ZFC3H1: variants seen among roughly 807,000 people sequenced by gnomAD.
ZFC3H1 encodes zinc finger C3H1-type containing.
ZFC3H1 carries 71 observed loss-of-function variants against 243.7 expected under a neutral mutation model. The observed-to-expected ratio is 0.29, with a 90% CI of 0.24 to 0.36. The LOEUF is 0.36. ZFC3H1 is among the 10% of genes least tolerant of loss of function. The pLI is 1.00. For synonymous variants in ZFC3H1, 838 were observed against 813.0 expected (o/e 1.03, Z -0.52); for missense variants, 1,966 against 2,317.1 (o/e 0.85, Z 3.11).
intron 32 of ZFC3H1, 27 bp from the exon 33 acceptor site, chr12:71,611,124 T>G: frequency 2.8e-6 from 4 of 1,422,670 alleles, no homozygotes; most frequent in Non-Finnish European, 3.7e-6. Context: ...AAAAAAGAAA[T>G]ATAGAAAAAG....
chr12:71,619,921 T>G lies in ZFC3H1; in HGVS notation c.5049+5A>C, dbSNP rs745400866. 10 of 1,575,118 alleles carry G rather than the reference T, an allele frequency of 6.3e-6. No homozygotes were observed. The highest frequency in any genetic ancestry group is 8.6e-6 in the Non-Finnish European group (10 of 1,161,098). On this transcript the variant is annotated splice_donor_5th_base_variant and intron_variant, in intron 26 of 34. Transcript: ENST00000378743. ...TCATATTTAAGAATTATGCATCATT[T>G]TTACCTGTAAGATGAAGAATTTGCA...
rs372304379 is a variant in ZFC3H1 at position 71,636,214 on chromosome 12, AAAAAAGCTGAAG to A, written c.2100+264_2100+275del. On this transcript the variant is annotated intron_variant, in intron 9 of 34. Transcript: ENST00000378743. ...ATCTGAATGAGCCCATTTCTATAGA[AAAAAAGCTGAAG>A]AAATGTCAGAGGAAAGTACACCACT... 3.1e-3 allele frequency among the ~76,000 whole-genome samples: 474 copies of A among 152,322 alleles called. 1 individual carries two copies. Among genetic ancestry groups the A allele is most frequent in the Non-Finnish European group, 5.4e-3 (366 of 68,010 alleles).
At chr12:71,630,568 C>G (rs1172764889) in intron 18 of ZFC3H1, 32 bp downstream of exon 18, 1 of 1,581,776 alleles carries the variant, frequency 6.3e-7, no homozygotes, top group South Asian at 1.2e-5. Flanking sequence ...ATTCAATTTT[C>G]ATTTGGGAGA....
chr12:71,636,088 A>T (rs1228788890), intron 9 of ZFC3H1, among the ~76,000 whole-genome samples: 1 of 152,204 alleles, frequency 6.6e-6, no homozygotes, highest in Non-Finnish European at 1.5e-5. Flanking sequence ...CTTCCATCAT[A>T]GTGTAGTCAT....
At position 71,636,556 on chromosome 12, in the gene ZFC3H1, C is replaced by T. The variant is rs773176664; in HGVS notation, c.2034G>A (p.Val678=). The T allele has an allele frequency of 6.2e-6, 10 of 1,612,502 alleles. No homozygotes were observed. In the Admixed American group the frequency reaches 1.5e-4, roughly 24 times the overall value. The part of the protein sequence containing the change: ...SNLSIVSINT[V]SQPRIQNPKF... ...TTGGATTCTGTATCCTAGGCTGAGA[C>T]ACTGTGTTAATACTGACTATTGATA... is the stretch of plus-strand genomic sequence containing the variant. Residue 678 remains valine, a synonymous_variant, in exon 9 of 35, where the codon GTG becomes GTA. Coordinates refer to ENST00000378743, the MANE Select transcript of ZFC3H1 (RefSeq NM_144982.5).
At chr12:71,615,513 T>TTTTG (rs982508071) in intron 27 of ZFC3H1, among the ~76,000 whole-genome samples, 197 bp from the exon 28 acceptor site, 3 of 152,114 alleles carry the variant, frequency 2.0e-5, no homozygotes, top group Admixed American at 6.5e-5. Context: ...AAATGCTTTT[T>TTTTG]TTTGTTTGTT....
chr12:71,619,480 A>G lies in ZFC3H1; in HGVS notation c.5050-71T>C, dbSNP rs1879972862. 25 of 1,433,568 alleles carry G rather than the reference A, an allele frequency of 1.7e-5. No individual in the cohort carries two copies. In the East Asian group the frequency reaches 2.7e-4, roughly 15 times the overall value. 88.8% of individuals were successfully genotyped at this position (1,433,568 alleles called of 1,614,324 possible). Reference sequence around the variant, plus strand: ...TTAATTAAAATGTCACGAGGGAGAAAAAAAGCCTTAAAAAAGTACTCATTA... The same window carrying G: ...TTAATTAAAATGTCACGAGGGAGAAGAAAAGCCTTAAAAAAGTACTCATTA... On this transcript the variant is annotated intron_variant, in intron 26 of 34. Coordinates refer to ENST00000378743, the MANE Select transcript of ZFC3H1 (RefSeq NM_144982.5).
In ZFC3H1 at chr12:71,644,318, G is replaced by C; in HGVS notation, c.1280C>G (p.Ala427Gly). ...TTGCTGCTTCCTCAATGCTTGTTTA[G>C]CTTTAAATAAAAAACACATAAACAT... Reference protein sequence around the residue: ...THSAKKVSTTAKQALRKQQTK... With the variant: ...THSAKKVSTTGKQALRKQQTK... Residue 427 changes from alanine (A) to glycine (G), a missense_variant and splice_region_variant, in exon 5 of 35, where the codon GCT becomes GGT. Ala to Gly is a moderately conservative substitution (Grantham distance 60). Transcript: ENST00000378743. 6.2e-7 allele frequency: 1 copy of C among 1,610,140 alleles called. No homozygotes were observed. The highest frequency in any genetic ancestry group is 1.7e-5 in the Admixed American group (1 of 59,362).
intron 31 of ZFC3H1, among the ~76,000 whole-genome samples, chr12:71,612,869 A>G (rs1879806049): frequency 6.6e-6 from 1 of 152,188 alleles, no homozygotes; most frequent in Non-Finnish European, 1.5e-5. Flanking sequence ...TGAAATCCCT[A>G]ATCAGTGCTT....
At chr12:71,649,712 A>T (rs1880830983) in intron 2 of ZFC3H1, among the ~76,000 whole-genome samples, 1 of 152,250 alleles carries the variant, frequency 6.6e-6, no homozygotes. Flanking sequence ...ACAGGGAAAC[A>T]TTAAACACTA....
chr12:71,636,711 C>G, intron 8 of ZFC3H1, 57 bp from the exon 9 acceptor site: 2 of 1,563,156 alleles, frequency 1.3e-6, no homozygotes, highest in Non-Finnish European at 1.7e-6. Context: ...ATTTCTGCCA[C>G]CTTTAAAAAT....
In ZFC3H1 at chr12:71,610,004, T is replaced by C. The variant is rs1879728617; in HGVS notation, c.*424A>G. ...AAAGGAAAAACTAAAAGGGACTGCC[T>C]GCTTTTTTTACTGTAAACACAGCCC... On this transcript the variant is annotated 3_prime_UTR_variant, in exon 35 of 35. Transcript: ENST00000378743. 6.5e-6 allele frequency: 1 copy of C among 153,184 alleles called. No homozygotes were observed. The allele number at this position is 153,184 out of a possible 1,614,324, so 9.5% of individuals were successfully genotyped here.
intron 33 of ZFC3H1, 42 bp downstream of exon 33, chr12:71,611,016 A>G (rs1335776004): frequency 6.3e-7 from 1 of 1,579,350 alleles, no homozygotes. Context: ...AGACAGAAAA[A>G]CTTTTTAAAA....
intron 30 of ZFC3H1, 86 bp from the exon 31 acceptor site, chr12:71,613,521 G>T: frequency 3.7e-6 from 3 of 805,910 alleles, no homozygotes; most frequent in Middle Eastern, 2.4e-4. Context: ...AAACCAAAAT[G>T]GTCTTTAAGA....
intron 9 of ZFC3H1, among the ~76,000 whole-genome samples, 199 bp from the exon 10 acceptor site, chr12:71,635,779 T>C (rs1464329207): frequency 6.6e-6 from 1 of 152,204 alleles, no homozygotes; most frequent in Admixed American, 6.5e-5. Context: ...TAAGACTTTC[T>C]ATTCTATAAT....
In ZFC3H1 at chr12:71,631,962, G is replaced by A. The variant is rs1260725393; in HGVS notation, c.3360+10C>T. 2 of 1,602,626 alleles carry A rather than the reference G, an allele frequency of 1.2e-6. No homozygotes were observed. Among genetic ancestry groups the A allele is most frequent in the Non-Finnish European group, 1.7e-6 (2 of 1,175,830 alleles). On this transcript the variant is annotated intron_variant, in intron 15 of 34. Transcript: ENST00000378743. Reference sequence around the variant, plus strand: ...CCAGATTTTAAAGAAAATATGAAATGTTCAGTTACCTGACCATGCAAAACC... The same window carrying A: ...CCAGATTTTAAAGAAAATATGAAATATTCAGTTACCTGACCATGCAAAACC...
At chr12:71,653,372 T>TAA (rs1327914480) in intron 2 of ZFC3H1, among the ~76,000 whole-genome samples, 2 of 151,966 alleles carry the variant, frequency 1.3e-5, no homozygotes, top group African/African-American at 4.8e-5. Context: ...GACAGAAACT[T>TAA]AGAGAAATGA....
chr12:71,626,209 TACACACACAC>T (rs55719302), intron 22 of ZFC3H1, 41 bp downstream of exon 22: 101 of 1,089,544 alleles, frequency 9.3e-5, no homozygotes, highest in African/African-American at 8.5e-4. Context: ...CAAATAATTA[TACACACACAC>T]ACACACACAC....
chr12:71,662,178 G>A (rs1220671041), intron 1 of ZFC3H1, among the ~76,000 whole-genome samples: 1 of 152,176 alleles, frequency 6.6e-6, no homozygotes, highest in Non-Finnish European at 1.5e-5. Context: ...TAAATGCTGA[G>A]TAAACTCAGT....
Sources: allele counts gnomAD v4.1 joint callset (sites outside exome capture counted in the v4.1 genomes callset), GRCh38; gene constraint gnomAD v4.1.1; transcripts MANE v1.5; gene names NCBI Gene and HGNC (gene_info 2026-07-23, HGNC 2026-07-21).